Variants in LYST observed in about 807,000 individuals in gnomAD.
The protein encoded by LYST is lysosomal-trafficking regulator.
A neutral mutation model predicts 413.6 loss-of-function variants in LYST; 192 were observed. The ratio of observed to expected loss-of-function variants is 0.46; its 90% CI spans 0.41 to 0.52. The LOEUF is 0.52. Among genes scored for constraint, LYST ranks in the 20% least tolerant of loss-of-function variants. The probability of loss-of-function intolerance (pLI) is 0.00; values close to 1 mark genes in which losing one functional copy is unlikely to be tolerated. For synonymous variants in LYST, 1,525 were observed against 1,567.3 expected (o/e 0.97, Z 0.64); for missense variants, 3,815 against 4,499.9 (o/e 0.85, Z 4.35).
chr1:235,710,374 C>A (rs560020230), intron 43 of LYST, among the ~76,000 whole-genome samples: 9 of 152,042 alleles, frequency 5.9e-5, no homozygotes, highest in Admixed American at 2.6e-4. Context: ...GCTTCAGGAG[C>A]GGCAGCAGCA....
At chr1:235,702,533 T>C (rs1348091818) in intron 45 of LYST, among the ~76,000 whole-genome samples, 2 of 152,200 alleles carry the variant, frequency 1.3e-5, no homozygotes, top group Non-Finnish European at 2.9e-5. Flanking sequence ...AACGATGAAT[T>C]CTTTTTTCCT....
intron 11 of LYST, 127 bp downstream of exon 11, chr1:235,793,376 C>T (rs1671218131): frequency 1.8e-6 from 1 of 551,686 alleles, no homozygotes; most frequent in Admixed American, 3.4e-5. Context: ...ATGAAATTGC[C>T]TATACCAACT....
chr1:235,666,401 CA>C (rs1658472631), intron 50 of LYST, among the ~76,000 whole-genome samples: 2 of 151,920 alleles, frequency 1.3e-5, no homozygotes, highest in South Asian at 4.2e-4. Flanking sequence ...AAAATATCTA[CA>C]ATGGGCAAAT....
At chr1:235,872,050 C>T (rs974865236) in intron 1 of LYST, among the ~76,000 whole-genome samples, 2 of 152,146 alleles carry the variant, frequency 1.3e-5, no homozygotes, top group Non-Finnish European at 2.9e-5. Context: ...AATCCCAGCA[C>T]TTTGGGAGGC....
chr1:235,745,976 A>T (rs1665883097), intron 29 of LYST, among the ~76,000 whole-genome samples: 1 of 152,106 alleles, frequency 6.6e-6, no homozygotes, highest in Non-Finnish European at 1.5e-5. Flanking sequence ...GATGTTACTC[A>T]CCTGGTGATG....
At chr1:235,718,684 AT>A (rs1663065559) in intron 40 of LYST, among the ~76,000 whole-genome samples, 1 of 152,154 alleles carries the variant, frequency 6.6e-6, no homozygotes, top group Admixed American at 6.5e-5. Flanking sequence ...ACATCAGAAT[AT>A]TTTTTCATAT....
At position 235,716,719 on chromosome 1, in the gene LYST, G is replaced by A; in HGVS notation, c.9620C>T (p.Thr3207Ile). 6.3e-7 allele frequency: 1 copy of A among 1,587,934 alleles called. No individual in the cohort carries two copies. Among genetic ancestry groups the A allele is most frequent in the Non-Finnish European group, 8.6e-7 (1 of 1,157,058 alleles). ...AGTAAAAACAAAAGCTACCTTGTAT[G>A]TGTCCACATAACGATCTTCTTTTTC... The part of the protein sequence containing the change: ...YKEKEDRYVD[T>I]YKYLEEEYRK... The change falls in exon 41 of 53, where the codon ACA becomes ATA. Residue 3207 changes from threonine to isoleucine, a missense_variant. Physicochemically the swap from Thr to Ile is moderately conservative, Grantham distance 89. This residue lies in a region of LYST where 866 missense variants were observed against 1,156.0 expected (regional missense o/e 0.75). Transcript: ENST00000389793.
At chr1:235,702,690 G>T in intron 45 of LYST, 57 bp downstream of exon 45, 2 of 1,382,310 alleles carry the variant, frequency 1.4e-6, no homozygotes, top group South Asian at 1.2e-5. Flanking sequence ...AGAGTGCCTG[G>T]CATCACAAGA....
chr1:235,799,501 C>T (rs1469225461), intron 10 of LYST, among the ~76,000 whole-genome samples: 1 of 152,048 alleles, frequency 6.6e-6, no homozygotes, highest in Non-Finnish European at 1.5e-5. Flanking sequence ...CAAAAGGACC[C>T]AATATCACTT....
At position 235,854,960 on chromosome 1, in the gene LYST, T is replaced by G. The variant is rs1294786858; in HGVS notation, c.-98+11883A>C. 6.6e-6 allele frequency among the ~76,000 whole-genome samples: 1 copy of G among 152,236 alleles called. No homozygotes were observed. Among genetic ancestry groups the G allele is most frequent in the African/African-American group, 2.4e-5 (1 of 41,462 alleles). ...AGGGAAGAAGATCCCAACTGCTTAT[T>G]ATCAAAGTATGCAATACCTGCTACA... On this transcript the variant is annotated intron_variant, in intron 1 of 52. Coordinates refer to ENST00000389793, the MANE Select transcript of LYST (RefSeq NM_000081.4). The surrounding 1 kb of genome is among the most constrained non-coding windows in gnomAD (Gnocchi z 4.1).
chr1:235,870,470 C>T (rs556812087), upstream of LYST, among the ~76,000 whole-genome samples: 2 of 152,202 alleles, frequency 1.3e-5, no homozygotes, highest in Admixed American at 6.5e-5. Context: ...CCATAAATCT[C>T]CCACCGTGTG....
chr1:235,725,685 G>GAACTAATGGGGCATTCCTGC (rs1444505858), intron 38 of LYST, among the ~76,000 whole-genome samples: 1 of 152,150 alleles, frequency 6.6e-6, no homozygotes, highest in African/African-American at 2.4e-5. Context: ...AGCATTCCTG[G>GAACTAATGGGGCATTCCTGC]AACTAATGGG....
intron 47 of LYST, among the ~76,000 whole-genome samples, chr1:235,689,575 C>T (rs1572001943): frequency 6.6e-6 from 1 of 151,808 alleles, no homozygotes; most frequent in Non-Finnish European, 1.5e-5. Context: ...GGAGATCTAA[C>T]GTAGAGGATG....
chr1:235,864,829 T>C (rs1247072289), intron 1 of LYST, among the ~76,000 whole-genome samples: 2 of 152,168 alleles, frequency 1.3e-5, no homozygotes, highest in Non-Finnish European at 2.9e-5. Context: ...CTTCAGAGGC[T>C]GAGGTGAGAG....
chr1:235,732,518 T>C (rs1399156724), intron 34 of LYST, among the ~76,000 whole-genome samples: 2 of 152,176 alleles, frequency 1.3e-5, no homozygotes, highest in Non-Finnish European at 2.9e-5. Flanking sequence ...TAAAATAGGA[T>C]AACTGAAGCT....
chr1:235,806,793 G>A, intron 5 of LYST, 21 bp from the exon 6 acceptor site: 5 of 1,530,692 alleles, frequency 3.3e-6, no homozygotes, highest in South Asian at 2.3e-5. Context: ...AAAAAAGCAT[G>A]TAAAAAGGTT....
chr1:235,798,578 T>TAAA (rs71174462), intron 10 of LYST, among the ~76,000 whole-genome samples: 9 of 81,692 alleles, frequency 1.1e-4, no homozygotes, highest in East Asian at 5.5e-4. Flanking sequence ...AACCCTGTCA[T>TAAA]AAAAAAAAAA....
chr1:235,712,797 C>T, intron 42 of LYST: 1 of 984,508 alleles, frequency 1.0e-6, no homozygotes, highest in Non-Finnish European at 1.2e-6. Flanking sequence ...TAAGCATAGT[C>T]ACTCTTTCGT....
intron 50 of LYST, among the ~76,000 whole-genome samples, chr1:235,670,428 G>A (rs1658840894): frequency 6.6e-6 from 1 of 152,196 alleles, no homozygotes; most frequent in African/African-American, 2.4e-5. Flanking sequence ...TTGAGGCACT[G>A]AGCACTTGTT....
Sources: gnomAD v4.1 joint callset for allele counts (sites outside exome capture counted in the v4.1 genomes callset) on GRCh38, gnomAD v4.1.1 for gene constraint, gnomAD v4.1.1 regional missense constraint, Gnocchi (gnomAD v3.1) non-coding constraint, MANE v1.5 for transcripts, NCBI Gene and HGNC (gene_info 2026-07-23, HGNC 2026-07-21) for gene names.